LGSN: variants seen among roughly 807,000 people sequenced by gnomAD.
The protein encoded by LGSN is lengsin.
LGSN carries 21 observed loss-of-function variants against 19.5 expected under a neutral mutation model. The observed-to-expected ratio is 1.07, with a 90% confidence interval of 0.76 to 1.55. LGSN has a LOEUF of 1.55. Among genes scored for constraint, LGSN ranks in the 40% most tolerant of loss-of-function variants. The probability of loss-of-function intolerance (pLI) is 0.00; values close to 1 mark genes in which losing one functional copy is unlikely to be tolerated. For missense variants in LGSN, 673 were observed against 608.5 expected (o/e 1.11, Z -1.12); for synonymous variants, 257 against 215.6 (o/e 1.19, Z -1.68).
the LGSN span, among the ~76,000 whole-genome samples, chr6:63,472,250 C>A: frequency 1.3e-5 from 2 of 152,142 alleles, no homozygotes; most frequent in African/African-American, 4.8e-5. Context: ...CGGGACTGGT[C>A]CTGTCTTGGT....
the LGSN span, among the ~76,000 whole-genome samples, chr6:63,545,648 T>C: frequency 6.6e-6 from 1 of 152,074 alleles, no homozygotes; most frequent in African/African-American, 2.4e-5. Flanking sequence ...TTTCCAATCT[T>C]ACCTTGTACT....
the LGSN span, among the ~76,000 whole-genome samples, chr6:63,513,380 T>C: frequency 6.6e-6 from 1 of 150,868 alleles, no homozygotes; most frequent in Non-Finnish European, 1.5e-5. Context: ...CAAAGTGTTA[T>C]GGAGCCACAC....
At chr6:63,516,770 T>C in the LGSN span, among the ~76,000 whole-genome samples, 2 of 152,208 alleles carry the variant, frequency 1.3e-5, no homozygotes, top group South Asian at 4.1e-4. Flanking sequence ...GGAAGTATTC[T>C]TAAAGAAAGG....
At chr6:63,460,662 CTA>C in the LGSN span, among the ~76,000 whole-genome samples, 3 of 152,088 alleles carry the variant, frequency 2.0e-5, no homozygotes, top group African/African-American at 7.2e-5. Context: ...TAAGTGAAAA[CTA>C]TGTTTCCCAG....
the LGSN span, among the ~76,000 whole-genome samples, chr6:63,365,950 G>C: frequency 3.7e-4 from 57 of 152,002 alleles, no homozygotes; most frequent in Non-Finnish European, 6.9e-4. Flanking sequence ...AAAATAATAA[G>C]AGCTATTTAT....
chr6:63,434,118 A>G, the LGSN span, among the ~76,000 whole-genome samples: 3 of 152,198 alleles, frequency 2.0e-5, no homozygotes, highest in African/African-American at 7.2e-5. Context: ...GAAAAGCTGT[A>G]GTTGTCACAG....
the LGSN span, among the ~76,000 whole-genome samples, chr6:63,543,035 T>C: frequency 2.0e-5 from 3 of 152,210 alleles, no homozygotes; most frequent in African/African-American, 4.8e-5. Context: ...ACAACATTAA[T>C]TAACATATGG....
At chr6:63,281,354 A>ATATATAATAAATATATAT (rs1767318084) in intron 3 of LGSN, 134 bp from the exon 4 acceptor site, 1 of 168,694 alleles carries the variant, frequency 5.9e-6, no homozygotes, top group African/African-American at 2.5e-5. Flanking sequence ...ATATATGTTT[A>ATATATAATAAATATATAT]ACACTTGTTG....
At chr6:63,479,702 T>C in the LGSN span, among the ~76,000 whole-genome samples, 2 of 152,026 alleles carry the variant, frequency 1.3e-5, no homozygotes, top group African/African-American at 2.4e-5. Flanking sequence ...ATCATGCCAC[T>C]GCACTCCAGC....
chr6:63,411,940 T>A, the LGSN span, among the ~76,000 whole-genome samples: 1 of 152,126 alleles, frequency 6.6e-6, no homozygotes, highest in African/African-American at 2.4e-5. Flanking sequence ...TAAAATAAAA[T>A]ATCTTATGTA....
the LGSN span, chr6:63,549,113 T>G: frequency 2.2e-4 from 151 of 701,014 alleles, 1 homozygote; most frequent in East Asian, 3.9e-3. Context: ...GGACAGGTGG[T>G]CTCTTAGTGG....
At chr6:63,460,975 G>A in the LGSN span, among the ~76,000 whole-genome samples, 1 of 152,126 alleles carries the variant, frequency 6.6e-6, no homozygotes, top group Non-Finnish European at 1.5e-5. Flanking sequence ...GGCATGAGGG[G>A]GCCAAGCGTC....
the LGSN span, among the ~76,000 whole-genome samples, chr6:63,429,152 T>C: frequency 6.6e-6 from 1 of 152,158 alleles, no homozygotes; most frequent in East Asian, 1.9e-4. Context: ...CTGAAGACAA[T>C]TAACAAGCAG....
chr6:63,290,920 C>A (rs1767741697), intron 2 of LGSN, among the ~76,000 whole-genome samples: 1 of 152,162 alleles, frequency 6.6e-6, no homozygotes, highest in South Asian at 2.1e-4. Flanking sequence ...TTGTATTAAC[C>A]GTCTGGCCCC....
At chr6:63,421,424 G>GA in the LGSN span, among the ~76,000 whole-genome samples, 2,328 of 103,340 alleles carry the variant, frequency 0.023, 17 homozygotes, top group South Asian at 0.043. Context: ...GATTCTGTCT[G>GA]AAAAAAAAAA....
At chr6:63,531,419 T>C in the LGSN span, among the ~76,000 whole-genome samples, 2 of 151,532 alleles carry the variant, frequency 1.3e-5, no homozygotes, top group Non-Finnish European at 1.5e-5. Context: ...TAACAAATTA[T>C]AATTTTTAAT....
chr6:63,412,418 G>GAAAC, the LGSN span, among the ~76,000 whole-genome samples: 1 of 95,064 alleles, frequency 1.1e-5, no homozygotes, highest in Non-Finnish European at 2.0e-5. Context: ...AAAGAAAGAA[G>GAAAC]AAAGAAAGAA....
At chr6:63,302,851 G>C (rs545374283) in intron 1 of LGSN, among the ~76,000 whole-genome samples, 6 of 152,320 alleles carry the variant, frequency 3.9e-5, no homozygotes, top group South Asian at 2.1e-4. Flanking sequence ...ACTCAGCCAG[G>C]CATGGTGGCT....
At chr6:63,400,139 T>C in the LGSN span, among the ~76,000 whole-genome samples, 28 of 152,134 alleles carry the variant, frequency 1.8e-4, no homozygotes, top group African/African-American at 6.8e-4. Context: ...TAAAGGGTAA[T>C]AAATAGATGT....
Sources: allele counts gnomAD v4.1 joint callset (sites outside exome capture counted in the v4.1 genomes callset), GRCh38; gene constraint gnomAD v4.1.1; transcripts MANE v1.5; gene names NCBI Gene and HGNC (gene_info 2026-07-23, HGNC 2026-07-21).